TBPL1: variants seen among roughly 807,000 people sequenced by gnomAD.
TBPL1 encodes TATA box-binding protein-like 1.
In TBPL1, 4 loss-of-function variants were observed where a neutral mutation model predicts 22.1. That is an observed-to-expected ratio of 0.18 (90% CI 0.09 to 0.41). The LOEUF (loss-of-function observed/expected upper bound fraction) is 0.41, where lower values mean the gene tolerates loss of function less well. Ranked by LOEUF, TBPL1 falls within the 10% of genes least tolerant of loss-of-function variation. The pLI, the probability that TBPL1 is intolerant of heterozygous loss-of-function variation, is 1.00. For missense variants in TBPL1, 115 were observed against 222.3 expected, an observed-to-expected ratio of 0.52 and a Z score of 3.07; for synonymous variants, 64 against 71.0, an observed-to-expected ratio of 0.90 and a Z score of 0.50.
rs754545248 is a variant in TBPL1, at chr6:133,984,685, T to C, written c.481+14T>C. 17 of 1,569,588 alleles carry C rather than the reference T, an allele frequency of 1.1e-5. No individual in the cohort carries two copies. The South Asian group carries it at 1.7e-4, about 15-fold the overall frequency. On this transcript the variant is annotated intron_variant, in intron 6 of 6. Transcript: ENST00000237264. ...TCACAGTAACAGGTATTCTATGATA[T>C]TGAAACCACACTTATCAATTATGGA...
chr6:133,987,675 A>T lies in TBPL1; in HGVS notation c.*635A>T, dbSNP rs974345810. The T allele has an allele frequency of 2.2e-5, 3 of 135,720 alleles. No individual in the cohort carries two copies. Among genetic ancestry groups the T allele is most frequent in the Non-Finnish European group, 3.2e-5 (2 of 61,952 alleles). The allele number at this position is 135,720 out of a possible 1,614,324, so 8.4% of individuals were successfully genotyped here. Reference sequence around the variant, plus strand: ...ATATATATATATATATATGCACCACATGTGTATAGTATCTTTTAATGCTCT... The same window carrying T: ...ATATATATATATATATATGCACCACTTGTGTATAGTATCTTTTAATGCTCT... On this transcript the variant is annotated 3_prime_UTR_variant, in exon 7 of 7. Transcript: ENST00000237264.
chr6:133,964,361 G>A (rs999094130), intron 1 of TBPL1, among the ~76,000 whole-genome samples: 18 of 151,360 alleles, frequency 1.2e-4, no homozygotes, highest in African/African-American at 4.4e-4. Flanking sequence ...ATGTAATCAT[G>A]TTTGTTTTAA....
chr6:133,963,191 A>T (rs170703), intron 1 of TBPL1, among the ~76,000 whole-genome samples: 151,161 of 152,322 alleles, frequency 0.99, 75,009 homozygotes, highest in East Asian at 1. Flanking sequence ...TGTTCTCTGA[A>T]AAACAGTACT....
At chr6:133,960,259 G>A (rs567561058) in intron 1 of TBPL1, among the ~76,000 whole-genome samples, 1 of 152,292 alleles carries the variant, frequency 6.6e-6, no homozygotes, top group East Asian at 1.9e-4. Context: ...AGAAATTAGT[G>A]TGCTAATCTT....
At chr6:133,968,393 C>T (rs1776159862) in intron 1 of TBPL1, among the ~76,000 whole-genome samples, 1 of 152,190 alleles carries the variant, frequency 6.6e-6, no homozygotes, top group African/African-American at 2.4e-5. Flanking sequence ...AATTTCTCAT[C>T]TTTGCGTTTG....
At chr6:133,954,383 G>A (rs552250624) in intron 1 of TBPL1, among the ~76,000 whole-genome samples, 2 of 152,144 alleles carry the variant, frequency 1.3e-5, no homozygotes, top group African/African-American at 4.8e-5. Context: ...GACATAAGAA[G>A]GTTCAGCCAT....
In TBPL1 at chr6:133,985,298, ATATATATATATATATATATATATATAT is replaced by A. The variant is rs1436911161; in HGVS notation, c.481+628_481+654del. On this transcript the variant is annotated intron_variant, in intron 6 of 6. Transcript: ENST00000237264. The stretch of plus-strand genomic sequence containing the variant: ...GTCTAAAAAAAAAAAAAAAAAAAAA[ATATATATATATATATATATATATATAT>A]ATATATATATATACACACATATATT... 2.6e-4 allele frequency among the ~76,000 whole-genome samples: 8 copies of A among 31,122 alleles called. 1 individual carries two copies. The highest frequency in any genetic ancestry group is 1.0e-3 in the African/African-American group (7 of 6,850). The allele number at this position is 31,122 out of a possible 152,430, so 20.4% of individuals were successfully genotyped here. A position where few individuals can be genotyped will look rare whatever the true frequency, so the allele number is the denominator to read the frequency against.
In TBPL1 at chr6:133,980,300, AT is replaced by A. The variant is rs1037830941; in HGVS notation, c.135+44del. 6 of 1,552,964 alleles carry A rather than the reference AT, an allele frequency of 3.9e-6. No individual in the cohort carries two copies. The African/African-American group carries it at 8.3e-5, about 22-fold the overall frequency. ...TTTCGTATTTGTACTACATAGCCTA[AT>A]TTTATAGTTCTATGACTAATACTAA... On this transcript the variant is annotated intron_variant, in intron 2 of 6. Coordinates refer to ENST00000237264, the MANE Select transcript of TBPL1 (RefSeq NM_004865.4).
intron 1 of TBPL1, among the ~76,000 whole-genome samples, chr6:133,971,644 TATCTCA>T (rs1776224054): frequency 6.6e-6 from 1 of 152,160 alleles, no homozygotes; most frequent in African/African-American, 2.4e-5. Context: ...AGTGAGGTGG[TATCTCA>T]TTGTGGTTTT....
intron 1 of TBPL1, among the ~76,000 whole-genome samples, chr6:133,955,696 A>G (rs1048003959): frequency 9.2e-5 from 14 of 152,234 alleles, no homozygotes; most frequent in African/African-American, 3.4e-4. Flanking sequence ...TCCAAATGGT[A>G]ATACTGTAAT....
chr6:133,970,004 T>G (rs1776189735), intron 1 of TBPL1, among the ~76,000 whole-genome samples: 1 of 152,212 alleles, frequency 6.6e-6, no homozygotes. Flanking sequence ...TTTCACCTAA[T>G]AGAAGACTTG....
intron 1 of TBPL1, among the ~76,000 whole-genome samples, chr6:133,970,361 A>G (rs527995356): frequency 2.7e-4 from 41 of 152,322 alleles, no homozygotes; most frequent in East Asian, 5.8e-4. Flanking sequence ...AGATATTTCA[A>G]TAGCAAAGGC....
At chr6:133,977,020 C>CT (rs1776326632) in intron 1 of TBPL1, among the ~76,000 whole-genome samples, 2 of 151,206 alleles carry the variant, frequency 1.3e-5, no homozygotes, top group Admixed American at 1.3e-4. Flanking sequence ...TTTCGTTGGA[C>CT]TGTCATTCTA....
chr6:133,986,944 C>T lies in TBPL1; in HGVS notation c.482-17C>T. ...TTCCAACTCTTCTCACTCCTTCCTC[C>T]ATTGTGTTTATTACAGGGCCCAATG... On this transcript the variant is annotated splice_polypyrimidine_tract_variant and intron_variant, in intron 6 of 6. Transcript: ENST00000237264. 6.3e-7 allele frequency: 1 copy of T among 1,577,806 alleles called. No homozygotes were observed. Among genetic ancestry groups the T allele is most frequent in the Non-Finnish European group, 8.6e-7 (1 of 1,158,596 alleles).
At chr6:133,966,207 C>T (rs533177119) in intron 1 of TBPL1, among the ~76,000 whole-genome samples, 2 of 152,048 alleles carry the variant, frequency 1.3e-5, no homozygotes, top group East Asian at 1.9e-4. Context: ...ATGTGTATGG[C>T]GCATTGGGAA....
chr6:133,976,186 T>C (rs1158621616), intron 1 of TBPL1, among the ~76,000 whole-genome samples: 1 of 152,236 alleles, frequency 6.6e-6, no homozygotes, highest in African/African-American at 2.4e-5. Context: ...TGGAAATAGT[T>C]TCAGCCTTGC....
At chr6:133,980,651 G>A (rs1776393373) in intron 2 of TBPL1, among the ~76,000 whole-genome samples, 1 of 151,250 alleles carries the variant, frequency 6.6e-6, no homozygotes, top group Non-Finnish European at 1.5e-5. Context: ...CTTTAACAAA[G>A]GTAGATGGTT....
Position 133,987,129 on chromosome 6 carries a change from A to G in TBPL1, c.*89A>G, listed in dbSNP as rs937621019. 4 of 786,332 alleles carry G rather than the reference A, an allele frequency of 5.1e-6. No homozygotes were observed. The highest frequency in any genetic ancestry group is 8.0e-6 in the Non-Finnish European group (4 of 498,128). The allele number at this position is 786,332 out of a possible 1,614,324, so 48.7% of individuals were successfully genotyped here. A position where few individuals can be genotyped will look rare whatever the true frequency, so the allele number is the denominator to read the frequency against. On this transcript the variant is annotated 3_prime_UTR_variant, in exon 7 of 7. Coordinates refer to ENST00000237264, the MANE Select transcript of TBPL1 (RefSeq NM_004865.4). The stretch of plus-strand genomic sequence containing the variant: ...CAAAAGGAAAACTGGACCAACAATA[A>G]TTGAGGAAATAGACTCTTTTATTCA...
At chr6:133,963,874 C>CA (rs1232594843) in intron 1 of TBPL1, among the ~76,000 whole-genome samples, 10,291 of 94,386 alleles carry the variant, frequency 0.11, 700 homozygotes, top group African/African-American at 0.26. Context: ...ACTAAAAATA[C>CA]AAAAAAAAAA....
Sources: gnomAD v4.1 joint callset for allele counts (sites outside exome capture counted in the v4.1 genomes callset) on GRCh38, gnomAD v4.1.1 for gene constraint, MANE v1.5 for transcripts, NCBI Gene and HGNC (gene_info 2026-07-23, HGNC 2026-07-21) for gene names.